The following JARID2 variants were observed in gnomAD, a reference collection of about 807,000 sequenced individuals.
The protein encoded by JARID2 is protein Jumonji.
A neutral mutation model predicts 125.6 loss-of-function variants in JARID2; 21 were observed. The ratio of observed to expected loss-of-function variants is 0.17; its 90% CI spans 0.12 to 0.24. The LOEUF (loss-of-function observed/expected upper bound fraction) is 0.24, where lower values mean the gene tolerates loss of function less well. Among genes scored for constraint, JARID2 ranks in the 10% least tolerant of loss-of-function variants. The probability of loss-of-function intolerance (pLI) is 1.00; values close to 1 mark genes in which losing one functional copy is unlikely to be tolerated. For synonymous variants in JARID2, 736 were observed against 661.6 expected, an observed-to-expected ratio of 1.11 and a Z score of -1.73; for missense variants, 1,303 against 1,639.6, an observed-to-expected ratio of 0.79 and a Z score of 3.55.
At chr6:15,416,121 A>C (rs940280820) in intron 3 of JARID2, among the ~76,000 whole-genome samples, 4 of 149,970 alleles carry the variant, frequency 2.7e-5, no homozygotes, top group African/African-American at 9.9e-5. Flanking sequence ...CTCACTTCCT[A>C]GATGGGATGG....
intron 1 of JARID2, among the ~76,000 whole-genome samples, chr6:15,302,846 T>G (rs1761681557): frequency 6.6e-6 from 1 of 152,126 alleles, no homozygotes; most frequent in Non-Finnish European, 1.5e-5. Flanking sequence ...GCGATTCTTC[T>G]GCCGCAGCCT....
At chr6:15,356,508 C>T (rs1763605153) in intron 1 of JARID2, among the ~76,000 whole-genome samples, 2 of 152,018 alleles carry the variant, frequency 1.3e-5, no homozygotes, top group Admixed American at 6.5e-5. Flanking sequence ...TTTTAACTTC[C>T]TATTTGTCAC....
intron 1 of JARID2, among the ~76,000 whole-genome samples, chr6:15,296,729 T>C (rs1761429945): frequency 6.6e-6 from 1 of 152,244 alleles, no homozygotes; most frequent in South Asian, 2.1e-4. Context: ...CCCGTGTCCC[T>C]GTAACATGTC....
chr6:15,517,078 C>G, intron 16 of JARID2, 83 bp from the exon 17 acceptor site: 1 of 1,004,632 alleles, frequency 1.0e-6, no homozygotes, highest in Non-Finnish European at 1.6e-6. Context: ...GGTGGCTGCC[C>G]GGCCGGGCGT....
intron 5 of JARID2, among the ~76,000 whole-genome samples, chr6:15,486,562 T>G (rs1277885958): frequency 6.6e-6 from 1 of 152,252 alleles, no homozygotes; most frequent in East Asian, 1.9e-4. Flanking sequence ...ATTCAGAGGC[T>G]CAATGTACTT....
At chr6:15,262,652 C>G (rs1428991530) in intron 1 of JARID2, among the ~76,000 whole-genome samples, 2 of 151,622 alleles carry the variant, frequency 1.3e-5, no homozygotes, top group African/African-American at 4.9e-5. Context: ...ATTCTCTTGC[C>G]TCAGCCTTCC....
At chr6:15,275,544 C>CCCCCCCG (rs1554118142) in intron 1 of JARID2, among the ~76,000 whole-genome samples, 1 of 94,606 alleles carries the variant, frequency 1.1e-5, no homozygotes, top group Non-Finnish European at 2.3e-5. Flanking sequence ...CCCCCCCCCC[C>CCCCCCCG]GTCTTTTGCC....
intron 3 of JARID2, among the ~76,000 whole-genome samples, chr6:15,432,449 A>AAACAAC (rs35484962): frequency 2.7e-4 from 39 of 145,148 alleles, no homozygotes; most frequent in Middle Eastern, 7.3e-3. Flanking sequence ...TCACCTTCAA[A>AAACAAC]AACAACAACA....
chr6:15,388,609 TACA>T (rs1280280022), intron 2 of JARID2, among the ~76,000 whole-genome samples: 2 of 148,530 alleles, frequency 1.3e-5, no homozygotes, highest in African/African-American at 2.4e-5. Context: ...ATAATTTTTC[TACA>T]ACAAACTATA....
intron 3 of JARID2, among the ~76,000 whole-genome samples, chr6:15,421,244 T>A (rs1332278281): frequency 6.6e-6 from 1 of 152,146 alleles, no homozygotes; most frequent in Non-Finnish European, 1.5e-5. Context: ...TTTGTGTGGA[T>A]TTTTAGTTCT....
intron 3 of JARID2, among the ~76,000 whole-genome samples, chr6:15,434,344 G>A (rs890941804): frequency 1.3e-5 from 2 of 152,070 alleles, no homozygotes; most frequent in Non-Finnish European, 2.9e-5. Flanking sequence ...TTAGGGTGGT[G>A]GTATCTTTCA....
chr6:15,507,101 A>G (rs1239094443), intron 9 of JARID2, 35 bp from the exon 10 acceptor site: 3 of 1,337,098 alleles, frequency 2.2e-6, no homozygotes, highest in Admixed American at 1.7e-5. Context: ...GCAGCACCTT[A>G]GGGGTGCTGA....
chr6:15,319,589 A>G (rs952277723), intron 1 of JARID2, among the ~76,000 whole-genome samples: 5 of 152,032 alleles, frequency 3.3e-5, no homozygotes, highest in Admixed American at 2.0e-4. Flanking sequence ...TGTTTTTAGT[A>G]GAGACGGGGT....
At chr6:15,507,051 C>T (rs1420987481) in intron 9 of JARID2, 85 bp from the exon 10 acceptor site, 8 of 820,574 alleles carry the variant, frequency 9.7e-6, no homozygotes, top group African/African-American at 1.7e-5. Flanking sequence ...ACCAGGCATT[C>T]GTGTCCCAGT....
rs1189317094 is a variant in JARID2, at chr6:15,513,056, C to A, written c.3266+11C>A. 6.2e-7 allele frequency: 1 copy of A among 1,614,014 alleles called. No homozygotes were observed. Among genetic ancestry groups the A allele is most frequent in the Admixed American group, 1.7e-5 (1 of 60,010 alleles). On this transcript the variant is annotated intron_variant, in intron 15 of 17. Transcript: ENST00000341776. ...CCTGGATGAGCTCAGGTAACAGACC[C>A]CCAGAGCCCACGCCAGAGAGCTGGA... is the stretch of plus-strand genomic sequence containing the variant.
chr6:15,380,276 CT>C (rs1481789950), intron 2 of JARID2, among the ~76,000 whole-genome samples: 1 of 152,144 alleles, frequency 6.6e-6, no homozygotes. Flanking sequence ...CTGAGGTGAT[CT>C]GCCCACGTCG....
At position 15,486,727 on chromosome 6, in the gene JARID2, A is replaced by G. The variant is rs549947352; in HGVS notation, c.671-580A>G. On this transcript the variant is annotated intron_variant, in intron 5 of 17. Transcript: ENST00000341776. Reference sequence around the variant, plus strand: ...CTCTGTTGTCACTGATAGGTCAGATAAAGCAGCTGCGCCCCGAACTCATGC... The same window carrying G: ...CTCTGTTGTCACTGATAGGTCAGATGAAGCAGCTGCGCCCCGAACTCATGC... Among the ~76,000 whole-genome samples the G allele has an allele frequency of 3.9e-5, 6 of 152,128 alleles. No homozygotes were observed. The East Asian group carries it at 9.7e-4, about 24-fold the overall frequency.
chr6:15,279,471 T>G (rs1581360571), intron 1 of JARID2, among the ~76,000 whole-genome samples: 2 of 152,354 alleles, frequency 1.3e-5, no homozygotes, highest in East Asian at 3.9e-4. Flanking sequence ...TTAGTTCCAG[T>G]GATTCCCTGG....
At chr6:15,328,185 T>C (rs1762594518) in intron 1 of JARID2, among the ~76,000 whole-genome samples, 1 of 152,124 alleles carries the variant, frequency 6.6e-6, no homozygotes, top group African/African-American at 2.4e-5. Context: ...TTCCAGGACC[T>C]CTTCTGAGGT....
Sources: gnomAD v4.1 joint callset for allele counts (sites outside exome capture counted in the v4.1 genomes callset) on GRCh38, gnomAD v4.1.1 for gene constraint, MANE v1.5 for transcripts, NCBI Gene and HGNC (gene_info 2026-07-23, HGNC 2026-07-21) for gene names.